Variants in RPGRIP1 observed in about 807,000 individuals in gnomAD.
The protein encoded by RPGRIP1 is X-linked retinitis pigmentosa GTPase regulator-interacting protein 1.
RPGRIP1 carries 128 observed loss-of-function variants against 157.9 expected under a neutral mutation model. The ratio of observed to expected loss-of-function variants is 0.81; its 90% CI spans 0.70 to 0.94. RPGRIP1 has a LOEUF of 0.94. Ranked by LOEUF, RPGRIP1 falls within the 40% of genes least tolerant of loss-of-function variation. RPGRIP1 has a pLI of 0.00. For synonymous variants in RPGRIP1, 554 were observed against 571.6 expected, an observed-to-expected ratio of 0.97 and a Z score of 0.44; for missense variants, 1,486 against 1,545.8, an observed-to-expected ratio of 0.96 and a Z score of 0.65.
chr14:21,304,978 A>G (rs1204039832), intron 6 of RPGRIP1, among the ~76,000 whole-genome samples: 1 of 151,814 alleles, frequency 6.6e-6, no homozygotes, highest in African/African-American at 2.4e-5. Context: ...ATTTTTTTGT[A>G]TTTTTAGTAG....
chr14:21,326,018 G>C lies in RPGRIP1; in HGVS notation c.2555G>C (p.Arg852Pro). ...AACCCCTACTTTAGAGACCAGGCTC[G>C]ATTCCCAGTGCTTGTGACCTCTGAC... ...SNNPYFRDQARFPVLVTSDLD... is the reference protein window; with the variant it reads ...SNNPYFRDQAPFPVLVTSDLD... Residue 852 changes from arginine (R) to proline (P), a missense_variant, in exon 17 of 25, where the codon CGA becomes CCA. By Grantham distance (103) the Arg-to-Pro change is moderately radical (BLOSUM62 -2). Transcript: ENST00000400017. The C allele has an allele frequency of 6.2e-7, 1 of 1,613,948 alleles. No homozygotes were observed.
chr14:21,318,091 A>T (rs1406328191), intron 11 of RPGRIP1: 3 of 664,156 alleles, frequency 4.5e-6, no homozygotes, highest in Non-Finnish European at 8.3e-6. Flanking sequence ...AGAAGATGCT[A>T]GTTTTTGTTT....
chr14:21,306,740 A>G (rs1881327472), intron 6 of RPGRIP1, among the ~76,000 whole-genome samples: 1 of 150,980 alleles, frequency 6.6e-6, no homozygotes, highest in African/African-American at 2.4e-5. Flanking sequence ...TATAAGCGTG[A>G]GCCACCGTGC....
intron 2 of RPGRIP1, among the ~76,000 whole-genome samples, chr14:21,293,018 T>C (rs1594373836): frequency 6.6e-6 from 1 of 151,668 alleles, no homozygotes; most frequent in South Asian, 2.1e-4. Context: ...TGGTGGCAGG[T>C]GCCTGTAATC....
chr14:21,297,066 C>G (rs1880814608), intron 3 of RPGRIP1, among the ~76,000 whole-genome samples: 1 of 151,680 alleles, frequency 6.6e-6, no homozygotes, highest in Non-Finnish European at 1.5e-5. Context: ...TAGTGCATAA[C>G]AGAGGTGGAA....
At chr14:21,343,793 A>T (rs565050757) in intron 22 of RPGRIP1, among the ~76,000 whole-genome samples, 1 of 145,368 alleles carries the variant, frequency 6.9e-6, no homozygotes, top group South Asian at 2.2e-4. Flanking sequence ...AGCCCATCCT[A>T]TCTCAGCCAT....
intron 1 of RPGRIP1, among the ~76,000 whole-genome samples, chr14:21,282,227 T>A (rs1428324242): frequency 6.6e-6 from 1 of 152,142 alleles, no homozygotes; most frequent in African/African-American, 2.4e-5. Context: ...CAATTCTGAA[T>A]ATCACTGCAA....
At chr14:21,322,077 C>T (rs577352036) in intron 14 of RPGRIP1, 73 bp downstream of exon 14, 1 of 1,357,070 alleles carries the variant, frequency 7.4e-7, no homozygotes, top group Non-Finnish European at 1.0e-6. Flanking sequence ...ACTCTGTGTA[C>T]TTGTCAAGAA....
chr14:21,302,865 G>GTT (rs59447072), intron 5 of RPGRIP1: 5,719 of 88,256 alleles, frequency 0.065, 400 homozygotes, highest in African/African-American at 0.14. Flanking sequence ...CCTTTGTTGT[G>GTT]TTTTTTTTTT....
At chr14:21,320,314 C>A (rs1352416027) in intron 12 of RPGRIP1, 137 bp downstream of exon 12, 2 of 822,244 alleles carry the variant, frequency 2.4e-6, no homozygotes, top group African/African-American at 3.5e-5. Flanking sequence ...TTTTTTGAGA[C>A]AGAGTCTCGC....
intron 21 of RPGRIP1, among the ~76,000 whole-genome samples, chr14:21,342,649 G>GTGAA (rs1885133951): frequency 6.6e-6 from 1 of 152,014 alleles, no homozygotes; most frequent in Non-Finnish European, 1.5e-5. Flanking sequence ...TTCCACTGTG[G>GTGAA]TGAAGCCTGG....
chr14:21,325,124 A>G, intron 15 of RPGRIP1, 54 bp downstream of exon 15: 1 of 1,549,740 alleles, frequency 6.5e-7, no homozygotes. Context: ...AATTTCCCAA[A>G]GCCTACAGTT....
At chr14:21,319,495 A>G (rs1262392652) in intron 11 of RPGRIP1, among the ~76,000 whole-genome samples, 5 of 152,188 alleles carry the variant, frequency 3.3e-5, no homozygotes, top group African/African-American at 1.2e-4. Flanking sequence ...CTGGAGGCAT[A>G]GGTTGCAGGG....
intron 10 of RPGRIP1, among the ~76,000 whole-genome samples, chr14:21,313,473 T>C (rs990064438): frequency 5.3e-5 from 8 of 151,972 alleles, no homozygotes; most frequent in Non-Finnish European, 1.0e-4. Context: ...ATCCTCACAA[T>C]GAAGTGCTAT....
At chr14:21,315,785 G>GTTA (rs201944500) in intron 10 of RPGRIP1, among the ~76,000 whole-genome samples, 13 of 150,254 alleles carry the variant, frequency 8.7e-5, no homozygotes, top group South Asian at 2.1e-4. Context: ...GCCTAAGTAG[G>GTTA]TTATTATTAT....
At chr14:21,288,326 G>A (rs966026229) in intron 2 of RPGRIP1, among the ~76,000 whole-genome samples, 23 of 151,388 alleles carry the variant, frequency 1.5e-4, no homozygotes, top group African/African-American at 5.3e-4. Context: ...GATTACAGGC[G>A]TGCACCACCA....
At chr14:21,288,179 ACT>A in intron 2 of RPGRIP1, 118 bp downstream of exon 2, 1 of 573,120 alleles carries the variant, frequency 1.7e-6, no homozygotes, top group Admixed American at 3.1e-5. Flanking sequence ...CAGTCTTCTC[ACT>A]TTTTTTTTTT....
intron 24 of RPGRIP1, among the ~76,000 whole-genome samples, chr14:21,349,821 C>T (rs1351477147): frequency 6.6e-6 from 1 of 152,162 alleles, no homozygotes; most frequent in Non-Finnish European, 1.5e-5. Flanking sequence ...TTACAGTTTG[C>T]TATAGATCAG....
chr14:21,326,568 C>G (rs770138253), intron 17 of RPGRIP1, among the ~76,000 whole-genome samples: 6 of 152,090 alleles, frequency 3.9e-5, no homozygotes, highest in Non-Finnish European at 5.9e-5. Flanking sequence ...TGGGATTTCT[C>G]CATGTTGGTC....
Sources: gnomAD v4.1 joint callset for allele counts (sites outside exome capture counted in the v4.1 genomes callset) on GRCh38, gnomAD v4.1.1 for gene constraint, MANE v1.5 for transcripts, NCBI Gene and HGNC (gene_info 2026-07-23, HGNC 2026-07-21) for gene names.